The following CDC42BPA variants were observed in gnomAD, a reference collection of about 807,000 sequenced individuals.
CDC42BPA encodes the protein CDC42 binding protein kinase alpha, also known as serine/threonine-protein kinase MRCK alpha.
A neutral mutation model predicts 223.5 loss-of-function variants in CDC42BPA; 80 were observed. That is an observed-to-expected ratio of 0.36 (90% confidence interval 0.30 to 0.43). The LOEUF (loss-of-function observed/expected upper bound fraction) is 0.43, where lower values mean the gene tolerates loss of function less well. CDC42BPA is among the 20% of genes least tolerant of loss of function. The pLI is 1.00. For missense variants in CDC42BPA, 1,743 were observed against 2,099.9 expected (o/e 0.83, Z 3.32); for synonymous variants, 694 against 718.6 (o/e 0.97, Z 0.55).
Position 227,266,212 on chromosome 1 carries a change from T to C in CDC42BPA, c.179-12057A>G, listed in dbSNP as rs567185237. Reference sequence around the variant, plus strand: ...GTTTGGTCAGGCATCTGTGTGAAACTTGCTTTATATTATTTTGACCAGTAA... The same window carrying C: ...GTTTGGTCAGGCATCTGTGTGAAACCTGCTTTATATTATTTTGACCAGTAA... On this transcript the variant is annotated intron_variant, in intron 1 of 36. Coordinates refer to ENST00000366766, the MANE Select transcript of CDC42BPA (RefSeq NM_001394014.1). 8.5e-5 allele frequency among the ~76,000 whole-genome samples: 13 copies of C among 152,326 alleles called. No individual in the cohort carries two copies. In the South Asian group the frequency reaches 2.7e-3, roughly 32 times the overall value.
intron 11 of CDC42BPA, among the ~76,000 whole-genome samples, chr1:227,125,232 A>ATT (rs932652589): frequency 1.3e-5 from 2 of 151,904 alleles, no homozygotes; most frequent in African/African-American, 4.8e-5. Context: ...CATGTCACCA[A>ATT]TGTCAACAAT....
At chr1:227,082,671 C>A (rs997673480) in intron 16 of CDC42BPA, among the ~76,000 whole-genome samples, 1 of 134,050 alleles carries the variant, frequency 7.5e-6, no homozygotes, top group East Asian at 2.2e-4. Context: ...GCTGAGATTG[C>A]GTCACTGCAC....
At chr1:227,023,004 TACTC>T (rs1667663903) in intron 32 of CDC42BPA, among the ~76,000 whole-genome samples, 1 of 152,226 alleles carries the variant, frequency 6.6e-6, no homozygotes, top group South Asian at 2.1e-4. Flanking sequence ...TTTCTCTACT[TACTC>T]AGGTACTCCA....
At chr1:227,022,705 T>C (rs1402710981) in intron 32 of CDC42BPA, among the ~76,000 whole-genome samples, 1 of 152,200 alleles carries the variant, frequency 6.6e-6, no homozygotes, top group Non-Finnish European at 1.5e-5. Flanking sequence ...TAATGACATG[T>C]GTGACCTCAA....
chr1:227,278,834 G>T (rs760998369), intron 1 of CDC42BPA, among the ~76,000 whole-genome samples: 3 of 152,076 alleles, frequency 2.0e-5, no homozygotes, highest in Non-Finnish European at 4.4e-5. Context: ...TTGAATATCA[G>T]TATGTCTGAC....
At chr1:227,167,308 CAA>C (rs2149878766) in intron 5 of CDC42BPA, among the ~76,000 whole-genome samples, 1 of 152,072 alleles carries the variant, frequency 6.6e-6, no homozygotes, top group African/African-American at 2.4e-5. Flanking sequence ...AGAAGTTGTC[CAA>C]AAGTTTTTTT....
chr1:227,248,674 A>G (rs1681428078), intron 2 of CDC42BPA, among the ~76,000 whole-genome samples: 1 of 152,120 alleles, frequency 6.6e-6, no homozygotes, highest in African/African-American at 2.4e-5. Context: ...AAATTCATCA[A>G]GTTATCTATG....
At chr1:227,001,362 A>G (rs1662808040) in intron 35 of CDC42BPA, among the ~76,000 whole-genome samples, 1 of 152,204 alleles carries the variant, frequency 6.6e-6, no homozygotes, top group South Asian at 2.1e-4. Context: ...AGGGACATAA[A>G]AAAGGCCAAA....
At chr1:227,179,635 CAAAA>C (rs59744442) in intron 5 of CDC42BPA, among the ~76,000 whole-genome samples, 38 of 34,238 alleles carry the variant, frequency 1.1e-3, no homozygotes, top group Admixed American at 2.4e-3. Context: ...GCCTCCATCT[CAAAA>C]AAAAAAAAAA....
chr1:227,125,575 G>A (rs577053024), intron 11 of CDC42BPA, among the ~76,000 whole-genome samples: 9 of 143,914 alleles, frequency 6.3e-5, no homozygotes, highest in African/African-American at 1.5e-4. Flanking sequence ...CCAGCCTGGG[G>A]AACAGAGTGA....
intron 6 of CDC42BPA, among the ~76,000 whole-genome samples, chr1:227,151,117 T>A: frequency 6.6e-6 from 1 of 152,176 alleles, no homozygotes; most frequent in Non-Finnish European, 1.5e-5. Context: ...AATTTTTTCA[T>A]CTTGGAAAAT....
At chr1:227,194,467 A>G (rs1308131055) in intron 4 of CDC42BPA, among the ~76,000 whole-genome samples, 1 of 152,220 alleles carries the variant, frequency 6.6e-6, no homozygotes, top group African/African-American at 2.4e-5. Flanking sequence ...AATTATCACC[A>G]TATGTGTCTC....
rs146171044 is a variant in CDC42BPA, at chr1:227,065,122, A to T, written c.2904+4655T>A. On this transcript the variant is annotated intron_variant, in intron 21 of 36. Transcript: ENST00000366766. ...AAAATAAATAAATAAATAAATAAATAAATTAACTCAAACCCTTCTTTATCT... is the reference window on the plus strand; with the variant it reads ...AAAATAAATAAATAAATAAATAAATTAATTAACTCAAACCCTTCTTTATCT... Among the ~76,000 whole-genome samples the T allele has an allele frequency of 3.4e-3, 510 of 151,752 alleles. 1 individual carries two copies. Among genetic ancestry groups the T allele is most frequent in the South Asian group, 6.4e-3 (31 of 4,810 alleles).
chr1:227,272,503 G>A (rs1686123560), intron 1 of CDC42BPA, among the ~76,000 whole-genome samples: 1 of 152,062 alleles, frequency 6.6e-6, no homozygotes, highest in Admixed American at 6.5e-5. Context: ...GATGGTCAGA[G>A]GGTTGCTATC....
intron 1 of CDC42BPA, among the ~76,000 whole-genome samples, chr1:227,301,262 C>A (rs1691570336): frequency 6.6e-6 from 1 of 152,164 alleles, no homozygotes; most frequent in Non-Finnish European, 1.5e-5. Context: ...TTCCCTCTAT[C>A]CAGTTTTGAG....
chr1:227,074,856 A>G (rs1679129443), intron 17 of CDC42BPA, among the ~76,000 whole-genome samples: 1 of 152,186 alleles, frequency 6.6e-6, no homozygotes, highest in Non-Finnish European at 1.5e-5. Flanking sequence ...GTTTTCTGAA[A>G]TGATCAATAA....
intron 2 of CDC42BPA, among the ~76,000 whole-genome samples, chr1:227,228,160 C>G (rs558701818): frequency 5.3e-5 from 8 of 152,302 alleles, no homozygotes; most frequent in Non-Finnish European, 1.0e-4. Context: ...GCAGGATAAA[C>G]AGCTAATGCA....
intron 23 of CDC42BPA, among the ~76,000 whole-genome samples, chr1:227,041,671 C>G (rs1671402826): frequency 6.6e-6 from 1 of 152,114 alleles, no homozygotes; most frequent in African/African-American, 2.4e-5. Context: ...CAGCATTAGT[C>G]AGAGAATGGG....
chr1:227,089,627 G>GTTTTTTTTTTTTTTTTTTTTTTTTTTTTT (rs72110440), intron 16 of CDC42BPA, among the ~76,000 whole-genome samples: 2 of 116,718 alleles, frequency 1.7e-5, no homozygotes, highest in Non-Finnish European at 3.4e-5. Flanking sequence ...GGGTAATTCC[G>GTTTTTTTTTTTTTTTTTTTTTTTTTTTTT]TTTTTTTTTT....
Sources: allele counts gnomAD v4.1 joint callset (sites outside exome capture counted in the v4.1 genomes callset), GRCh38; gene constraint gnomAD v4.1.1; transcripts MANE v1.5; gene names NCBI Gene and HGNC (gene_info 2026-07-23, HGNC 2026-07-21).